The following SAMD12 variants were observed in gnomAD, a reference collection of about 807,000 sequenced individuals.
The protein encoded by SAMD12 is sterile alpha motif domain containing 12.
SAMD12 carries 9 observed loss-of-function variants against 15.0 expected under a neutral mutation model. The observed-to-expected ratio is 0.60, with a 90% CI of 0.36 to 1.05. The LOEUF is 1.05. SAMD12 is among the 50% of genes least tolerant of loss of function. The pLI is 0.01. For missense variants in SAMD12, 230 were observed against 234.2 expected (o/e 0.98, Z 0.12); for synonymous variants, 86 against 90.1 (o/e 0.96, Z 0.25).
intron 2 of SAMD12, among the ~76,000 whole-genome samples, chr8:118,566,753 C>G (rs540480549): frequency 6.6e-6 from 1 of 152,308 alleles, no homozygotes; most frequent in African/African-American, 2.4e-5. Flanking sequence ...TTCTTGACAA[C>G]TCCAAATTTA....
At chr8:118,551,341 G>A (rs1322003878) in intron 2 of SAMD12, among the ~76,000 whole-genome samples, 2 of 152,242 alleles carry the variant, frequency 1.3e-5, no homozygotes, top group East Asian at 3.9e-4. Context: ...AGACCATAGT[G>A]CAATCAAACT....
exon 5 of SAMD12, chr8:118,192,848 C>A (rs1316208305): frequency 2.0e-5 from 3 of 152,102 alleles, no homozygotes; most frequent in African/African-American, 7.2e-5. Flanking sequence ...GCTGTTGGTG[C>A]CTTCTTGTGC....
the SAMD12 span, among the ~76,000 whole-genome samples, chr8:118,156,502 C>T: frequency 6.0e-4 from 91 of 152,280 alleles, no homozygotes; most frequent in East Asian, 0.017. Context: ...TTTGAAAGGG[C>T]TCTATGTGTG....
At chr8:118,408,938 G>A (rs1004915763) in intron 3 of SAMD12, among the ~76,000 whole-genome samples, 4 of 151,966 alleles carry the variant, frequency 2.6e-5, no homozygotes, top group Non-Finnish European at 4.4e-5. Flanking sequence ...CCACTCTGTC[G>A]CCCAGGTTGG....
At chr8:118,458,194 T>G (rs1021118724) in intron 2 of SAMD12, among the ~76,000 whole-genome samples, 9 of 152,218 alleles carry the variant, frequency 5.9e-5, no homozygotes, top group African/African-American at 1.9e-4. Context: ...AAATCCTCTT[T>G]CACATTTTCA....
chr8:118,151,231 CAT>C, the SAMD12 span, among the ~76,000 whole-genome samples: 1 of 151,938 alleles, frequency 6.6e-6, no homozygotes, highest in East Asian at 1.9e-4. Flanking sequence ...GTTTTAATAA[CAT>C]TGGTTAAAAT....
At chr8:118,434,646 A>C (rs956275673) in intron 3 of SAMD12, among the ~76,000 whole-genome samples, 1 of 152,220 alleles carries the variant, frequency 6.6e-6, no homozygotes, top group Non-Finnish European at 1.5e-5. Context: ...GCCCCAGAAG[A>C]GCCTCCTCAT....
At chr8:118,578,175 T>C (rs1353630780) in intron 2 of SAMD12, among the ~76,000 whole-genome samples, 1 of 152,124 alleles carries the variant, frequency 6.6e-6, no homozygotes, top group East Asian at 1.9e-4. Context: ...TAAAATATTA[T>C]CACATACATT....
At chr8:118,167,133 A>C in the SAMD12 span, among the ~76,000 whole-genome samples, 2 of 152,070 alleles carry the variant, frequency 1.3e-5, no homozygotes, top group Non-Finnish European at 2.9e-5. Flanking sequence ...ACTTCTTTGC[A>C]AGTGGTGTTT....
chr8:118,319,274 C>T (rs1460492336), intron 4 of SAMD12, among the ~76,000 whole-genome samples: 1 of 152,026 alleles, frequency 6.6e-6, no homozygotes, highest in Non-Finnish European at 1.5e-5. Context: ...AAACAGTTGC[C>T]ACCCCTCAAG....
intron 4 of SAMD12, among the ~76,000 whole-genome samples, chr8:118,275,497 T>C (rs1201537505): frequency 6.6e-6 from 1 of 152,206 alleles, no homozygotes; most frequent in Non-Finnish European, 1.5e-5. Flanking sequence ...TTACATGCTT[T>C]GGAATGGAAT....
chr8:118,550,073 G>A (rs1826275344), intron 2 of SAMD12, among the ~76,000 whole-genome samples: 1 of 152,190 alleles, frequency 6.6e-6, no homozygotes, highest in South Asian at 2.1e-4. Context: ...GAAAGTGACA[G>A]GGAGAATGGA....
At chr8:118,486,522 CCAAAGAATGCAGGCATT>C (rs1248101497) in intron 2 of SAMD12, among the ~76,000 whole-genome samples, 45 of 151,742 alleles carry the variant, frequency 3.0e-4, no homozygotes, top group Non-Finnish European at 3.4e-4. Context: ...GGGCCAGGAG[CCAAAGAATGCAGGCATT>C]CTCTAGAAAC....
chr8:118,177,047 G>A, the SAMD12 span, among the ~76,000 whole-genome samples: 8 of 152,146 alleles, frequency 5.3e-5, no homozygotes, highest in African/African-American at 9.7e-5. Context: ...TAGGCATGGA[G>A]AATAGTAAGG....
intron 3 of SAMD12, among the ~76,000 whole-genome samples, chr8:118,405,545 T>A (rs924194766): frequency 1.3e-5 from 2 of 152,198 alleles, no homozygotes; most frequent in Non-Finnish European, 2.9e-5. Flanking sequence ...TGGGAGCCGC[T>A]GGGGTTCTAG....
At chr8:118,327,601 C>A (rs1318418870) in intron 4 of SAMD12, among the ~76,000 whole-genome samples, 1 of 152,166 alleles carries the variant, frequency 6.6e-6, no homozygotes, top group African/African-American at 2.4e-5. Context: ...GAAATTAATT[C>A]TCTGATACTT....
intron 4 of SAMD12, among the ~76,000 whole-genome samples, chr8:118,243,219 T>C (rs1298284003): frequency 6.6e-6 from 1 of 152,302 alleles, no homozygotes; most frequent in South Asian, 2.1e-4. Context: ...ACAATATCAT[T>C]TGTATGGATT....
chr8:118,430,344 T>C (rs1253409956), intron 3 of SAMD12, among the ~76,000 whole-genome samples: 1 of 151,526 alleles, frequency 6.6e-6, no homozygotes, highest in East Asian at 1.9e-4. Flanking sequence ...TCTTGGAGAA[T>C]GTAACCCTGT....
Position 118,580,812 on chromosome 8 carries a change from C to A in SAMD12, c.95G>T (p.Gly32Val). The A allele has an allele frequency of 6.2e-7, 1 of 1,612,818 alleles. No individual in the cohort carries two copies. Among genetic ancestry groups the A allele is most frequent in the Non-Finnish European group, 8.5e-7 (1 of 1,178,998 alleles). Residue 32 changes from glycine to valine, a missense_variant, in exon 2 of 4, where the codon GGT becomes GTT. Coordinates refer to ENST00000314727, the MANE Select transcript of SAMD12 (RefSeq NM_207506.3). ...ATTTTTAATGGATTGAGATTCCACA[C>A]CTTCACCTTCAATTTGCAGTTTAAT... ...EGIKLQIEGE[G>V]VESQSIKNKN...
Sources: gnomAD v4.1 joint callset for allele counts (sites outside exome capture counted in the v4.1 genomes callset) on GRCh38, gnomAD v4.1.1 for gene constraint, MANE v1.5 for transcripts, NCBI Gene and HGNC (gene_info 2026-07-23, HGNC 2026-07-21) for gene names.